LRRC1: variants seen among roughly 807,000 people sequenced by gnomAD.
The protein encoded by LRRC1 is leucine rich repeat containing 1.
In LRRC1, 28 loss-of-function variants were observed where a neutral mutation model predicts 69.9. That is an observed-to-expected ratio of 0.40 (90% CI 0.30 to 0.55). The LOEUF (loss-of-function observed/expected upper bound fraction) is 0.55, where lower values mean the gene tolerates loss of function less well. LRRC1 is among the 20% of genes least tolerant of loss of function. LRRC1 has a pLI of 0.47. For missense variants in LRRC1, 498 were observed against 609.0 expected (o/e 0.82, Z 1.92); for synonymous variants, 236 against 240.2 (o/e 0.98, Z 0.16).
chr6:53,915,307 G>T (rs1357350159), intron 11 of LRRC1, among the ~76,000 whole-genome samples: 1 of 152,144 alleles, frequency 6.6e-6, no homozygotes, highest in Non-Finnish European at 1.5e-5. Flanking sequence ...TTCTCAGCTG[G>T]AATCTAGAGG....
intron 8 of LRRC1, among the ~76,000 whole-genome samples, chr6:53,901,032 G>A (rs1768041155): frequency 1.4e-5 from 2 of 142,822 alleles, no homozygotes; most frequent in Admixed American, 1.5e-4. Context: ...GTTAAACCCA[G>A]CTGGAAAATC....
intron 4 of LRRC1, among the ~76,000 whole-genome samples, chr6:53,893,117 G>A (rs1429461393): frequency 1.3e-5 from 2 of 152,192 alleles, no homozygotes; most frequent in African/African-American, 4.8e-5. Context: ...CCTGACTCAA[G>A]GCACACACAT....
In LRRC1 at chr6:53,896,856, A is replaced by G; in HGVS notation, c.531A>G (p.Glu177=). The part of the protein sequence containing the change: ...PDSLTQLRRL[E]ELDLGNNEIY... ...CTCTTACCCAGCTGCGAAGACTAGA[A>G]GAACTTGATTTAGGAAACAATGAAA... is the stretch of plus-strand genomic sequence containing the variant. Residue 177 remains glutamate, a synonymous_variant, in exon 6 of 14, where the codon GAA becomes GAG. Transcript: ENST00000370888. 1 of 1,603,306 alleles carries G rather than the reference A, an allele frequency of 6.2e-7. No individual in the cohort carries two copies. The highest frequency in any genetic ancestry group is 1.3e-5 in the African/African-American group (1 of 74,750).
At chr6:53,903,073 C>T (rs1256848261) in intron 9 of LRRC1, among the ~76,000 whole-genome samples, 7 of 152,140 alleles carry the variant, frequency 4.6e-5, no homozygotes, top group East Asian at 1.9e-4. Flanking sequence ...GAGACCACCA[C>T]TGGGAATATT....
intron 2 of LRRC1, among the ~76,000 whole-genome samples, chr6:53,846,354 T>G (rs983136070): frequency 6.6e-6 from 1 of 152,210 alleles, no homozygotes; most frequent in Non-Finnish European, 1.5e-5. Flanking sequence ...GTAGAGAGCC[T>G]TGGGATGAGC....
chr6:53,859,827 C>T (rs1194610467), intron 2 of LRRC1, among the ~76,000 whole-genome samples: 3 of 152,084 alleles, frequency 2.0e-5, no homozygotes, highest in Non-Finnish European at 4.4e-5. Flanking sequence ...CTTGGAAACA[C>T]AATGGGATAA....
intron 1 of LRRC1, among the ~76,000 whole-genome samples, chr6:53,830,300 A>G (rs780149835): frequency 6.6e-6 from 1 of 152,248 alleles, no homozygotes; most frequent in Non-Finnish European, 1.5e-5. Flanking sequence ...TCTTGTCAGA[A>G]AGAAAGCAGA....
intron 2 of LRRC1, among the ~76,000 whole-genome samples, chr6:53,865,586 G>A (rs980376984): frequency 1.3e-5 from 2 of 150,382 alleles, no homozygotes; most frequent in African/African-American, 2.4e-5. Context: ...ATTATTTTTT[G>A]TTTGTCTCTG....
intron 1 of LRRC1, among the ~76,000 whole-genome samples, chr6:53,839,394 A>G (rs1479207252): frequency 2.6e-5 from 4 of 152,176 alleles, no homozygotes; most frequent in Non-Finnish European, 4.4e-5. Context: ...AGCATCCTGT[A>G]ATCTTAGTAG....
chr6:53,876,943 C>A (rs1028262768), intron 2 of LRRC1, among the ~76,000 whole-genome samples: 4 of 152,158 alleles, frequency 2.6e-5, no homozygotes, highest in Admixed American at 6.5e-5. Context: ...GGCACTGCCC[C>A]AGTAGGGATT....
chr6:53,876,390 C>G (rs1383432341), intron 2 of LRRC1, among the ~76,000 whole-genome samples: 1 of 152,076 alleles, frequency 6.6e-6, no homozygotes, highest in African/African-American at 2.4e-5. Context: ...CCCCTGGCCC[C>G]TCCCAAATCT....
rs1204375630 is a variant in LRRC1 at position 53,923,561 on chromosome 6, T to C, written c.*768T>C. 1 of 152,660 alleles carries C rather than the reference T, an allele frequency of 6.6e-6. No individual in the cohort carries two copies. Among genetic ancestry groups the C allele is most frequent in the Non-Finnish European group, 1.5e-5 (1 of 68,034 alleles). 9.5% of individuals were successfully genotyped at this position (152,660 alleles called of 1,614,324 possible). On this transcript the variant is annotated 3_prime_UTR_variant, in exon 14 of 14. Transcript: ENST00000370888. Reference sequence around the variant, plus strand: ...GAATTATCAATGATTTGTAATTATATCAGTTGATTTTTTTTGAAAAGATGA... The same window carrying C: ...GAATTATCAATGATTTGTAATTATACCAGTTGATTTTTTTTGAAAAGATGA...
intron 4 of LRRC1, among the ~76,000 whole-genome samples, chr6:53,888,000 T>C (rs1376132947): frequency 6.6e-6 from 1 of 152,200 alleles, no homozygotes; most frequent in Non-Finnish European, 1.5e-5. Context: ...TTACTATCAC[T>C]AAAAACACTT....
chr6:53,808,683 G>A (rs1353612957), intron 1 of LRRC1, among the ~76,000 whole-genome samples: 1 of 49,028 alleles, frequency 2.0e-5, no homozygotes, highest in East Asian at 2.2e-3. Flanking sequence ...CAGATCCAGT[G>A]TTCCTTATCA....
At chr6:53,802,755 T>C (rs1764521837) in intron 1 of LRRC1, among the ~76,000 whole-genome samples, 1 of 152,238 alleles carries the variant, frequency 6.6e-6, no homozygotes, top group Non-Finnish European at 1.5e-5. Flanking sequence ...CTATGAATTT[T>C]AGTTTCATCA....
At chr6:53,798,450 C>T (rs958832567) in intron 1 of LRRC1, among the ~76,000 whole-genome samples, 1 of 152,238 alleles carries the variant, frequency 6.6e-6, no homozygotes, top group Non-Finnish European at 1.5e-5. Context: ...ACGATCTCCA[C>T]TCACTGCAAG....
chr6:53,855,434 C>T (rs1012549067), intron 2 of LRRC1, among the ~76,000 whole-genome samples: 2 of 152,154 alleles, frequency 1.3e-5, no homozygotes, highest in Non-Finnish European at 2.9e-5. Context: ...AGGCCCAACA[C>T]AAAAGGTAGC....
At chr6:53,848,391 T>C (rs1157476261) in intron 2 of LRRC1, among the ~76,000 whole-genome samples, 1 of 152,228 alleles carries the variant, frequency 6.6e-6, no homozygotes, top group Non-Finnish European at 1.5e-5. Context: ...TTCTGTGATG[T>C]TTTCTAATCA....
intron 2 of LRRC1, among the ~76,000 whole-genome samples, chr6:53,876,265 C>A (rs1023488175): frequency 6.6e-6 from 1 of 152,142 alleles, no homozygotes; most frequent in Non-Finnish European, 1.5e-5. Flanking sequence ...GTCATGAGAA[C>A]AGCTCAGAAA....
Sources: allele counts gnomAD v4.1 joint callset (sites outside exome capture counted in the v4.1 genomes callset), GRCh38; gene constraint gnomAD v4.1.1; transcripts MANE v1.5; gene names NCBI Gene and HGNC (gene_info 2026-07-23, HGNC 2026-07-21).